The following SLC7A7 variants were observed in gnomAD, a reference collection of about 807,000 sequenced individuals.
The protein encoded by SLC7A7 is Y+L amino acid transporter 1.
Under a neutral mutation model 47.9 loss-of-function variants are expected in SLC7A7, and 39 were observed. The ratio of observed to expected loss-of-function variants is 0.81; its 90% CI spans 0.63 to 1.06. The LOEUF is 1.06. Among genes scored for constraint, SLC7A7 ranks in the 50% least tolerant of loss-of-function variants. The pLI, the probability that SLC7A7 is intolerant of heterozygous loss-of-function variation, is 0.00. For missense variants in SLC7A7, 588 were observed against 632.0 expected (o/e 0.93, Z 0.75); for synonymous variants, 234 against 242.8 (o/e 0.96, Z 0.34).
intron 2 of SLC7A7, among the ~76,000 whole-genome samples, chr14:22,796,950 A>T (rs1208539206): frequency 6.6e-6 from 1 of 152,224 alleles, no homozygotes; most frequent in East Asian, 1.9e-4. Flanking sequence ...TGCGGAAGGT[A>T]AAGCTTTTAG....
At position 22,808,025 on chromosome 14, in the gene SLC7A7, G is replaced by A. The variant is rs186138639; in HGVS notation, c.499+4875C>T. Among the ~76,000 whole-genome samples the A allele has an allele frequency of 1.4e-4, 21 of 152,176 alleles. No homozygotes were observed. In the East Asian group the frequency reaches 4.1e-3, roughly 29 times the overall value. Reference sequence around the variant, plus strand: ...AAAAACACAAAAATTAGCCGGGTGTGGTGGTGCACAGCTGTAATCCCAGCT... The same window carrying A: ...AAAAACACAAAAATTAGCCGGGTGTAGTGGTGCACAGCTGTAATCCCAGCT... On this transcript the variant is annotated intron_variant, in intron 2 of 9. Coordinates refer to ENST00000674313, the MANE Select transcript of SLC7A7 (RefSeq NM_003982.4).
At chr14:22,804,930 T>C (rs2039175412) in intron 2 of SLC7A7, among the ~76,000 whole-genome samples, 1 of 152,066 alleles carries the variant, frequency 6.6e-6, no homozygotes, top group Non-Finnish European at 1.5e-5. Context: ...TTCCTTGAAC[T>C]TGGGAGGCGG....
At position 22,774,500 on chromosome 14, in the gene SLC7A7, T is replaced by TA. The variant is rs1254380334; in HGVS notation, c.1098dup (p.Ile367TyrfsTer17). On this transcript the variant is annotated frameshift_variant, in exon 8 of 10. Coordinates refer to ENST00000674313, the MANE Select transcript of SLC7A7 (RefSeq NM_003982.4). LOFTEE classifies it high-confidence loss of function. ...ACGCACAAGTAGATCAATGCCATGATACCCTGTAAGCGTGAGCCTAAGTCA... is the reference window on the plus strand; with the variant it reads ...ACGCACAAGTAGATCAATGCCATGATAACCCTGTAAGCGTGAGCCTAAGTCA... The TA allele has an allele frequency of 6.2e-7, 1 of 1,614,174 alleles. No homozygotes were observed. The highest frequency in any genetic ancestry group is 8.5e-7 in the Non-Finnish European group (1 of 1,180,028).
chr14:22,795,414 C>CT lies in SLC7A7; in HGVS notation c.500-15364dup, dbSNP rs1408690139. Among the ~76,000 whole-genome samples, 5 of 118,028 alleles carry CT rather than the reference C, an allele frequency of 4.2e-5. No individual in the cohort carries two copies. The South Asian group carries it at 1.1e-3, about 27-fold the overall frequency. The allele number at this position is 118,028 out of a possible 152,430, so 77.4% of individuals were successfully genotyped here. On this transcript the variant is annotated intron_variant, in intron 2 of 9. Coordinates refer to ENST00000674313, the MANE Select transcript of SLC7A7 (RefSeq NM_003982.4). Reference sequence around the variant, plus strand: ...TCTTTCTTTCTTTCTTTCTTTCTTTCTTTCTTTCTTTCTTTCTTTCTTTCT... The same window carrying CT: ...TCTTTCTTTCTTTCTTTCTTTCTTTCTTTTCTTTCTTTCTTTCTTTCTTTCT...
intron 2 of SLC7A7, among the ~76,000 whole-genome samples, chr14:22,782,291 T>C (rs957217772): frequency 6.6e-6 from 1 of 151,192 alleles, no homozygotes; most frequent in African/African-American, 2.4e-5. Context: ...TTAGTAGAGA[T>C]GAGGTTTCAC....
intron 2 of SLC7A7, among the ~76,000 whole-genome samples, chr14:22,803,013 G>A (rs1425831231): frequency 6.6e-6 from 1 of 152,060 alleles, no homozygotes; most frequent in Non-Finnish European, 1.5e-5. Flanking sequence ...CAGATACCAG[G>A]CACTGTTCTA....
intron 6 of SLC7A7, 131 bp from the exon 7 acceptor site, chr14:22,775,671 A>G: frequency 1.1e-6 from 1 of 942,590 alleles, no homozygotes; most frequent in Admixed American, 1.7e-5. Flanking sequence ...ACTGGAGCTC[A>G]GTATTAAGAT....
intron 7 of SLC7A7, 105 bp downstream of exon 7, chr14:22,775,339 T>C: frequency 1.0e-5 from 10 of 952,510 alleles, no homozygotes; most frequent in Non-Finnish European, 1.5e-5. Context: ...ATAGTTTTTC[T>C]ATTGGAATCT....
In SLC7A7 at chr14:22,778,793, C is replaced by T. The variant is rs1326165461; in HGVS notation, c.770G>A (p.Arg257Lys). 1.9e-6 allele frequency: 3 copies of T among 1,613,898 alleles called. No individual in the cohort carries two copies. Among genetic ancestry groups the T allele is most frequent in the East Asian group, 2.2e-5 (1 of 44,896 alleles). Residue 257 changes from arginine to lysine, a missense_variant and splice_region_variant, in exon 4 of 10, where the codon AGG becomes AAG. Arg to Lys is a conservative substitution (Grantham distance 26). Coordinates refer to ENST00000674313, the MANE Select transcript of SLC7A7 (RefSeq NM_003982.4). The part of the protein sequence containing the change: ...YVTEEIKNPE[R>K]NLPLSIGISM... Reference sequence around the variant, plus strand: ...GGAAAGTTGGTGGTGCAGTACCTACCTCTCAGGATTCTTGATCTCTTCAGT... The same window carrying T: ...GGAAAGTTGGTGGTGCAGTACCTACTTCTCAGGATTCTTGATCTCTTCAGT...
chr14:22,793,761 A>ATCACCACT (rs2038966111), intron 2 of SLC7A7, among the ~76,000 whole-genome samples: 1 of 152,060 alleles, frequency 6.6e-6, no homozygotes, highest in South Asian at 2.1e-4. Context: ...GGTGGCAGTG[A>ATCACCACT]GCCAATATCA....
intron 1 of SLC7A7, 94 bp from the exon 2 acceptor site, chr14:22,813,534 C>G (rs1335297823): frequency 9.3e-7 from 1 of 1,075,998 alleles, no homozygotes. Context: ...GGGCAGCTCA[C>G]CAACCAATGC....
chr14:22,810,485 T>C (rs1382500169), intron 2 of SLC7A7, among the ~76,000 whole-genome samples: 1 of 92,182 alleles, frequency 1.1e-5, no homozygotes. Flanking sequence ...AAAAATAGAT[T>C]TCTGGTATTT....
chr14:22,783,418 T>A (rs10133977), intron 2 of SLC7A7, among the ~76,000 whole-genome samples: 88,421 of 148,938 alleles, frequency 0.59, 27,528 homozygotes, highest in Non-Finnish European at 0.7. Flanking sequence ...TTTTTTTTTT[T>A]TCGAGACAGT....
intron 2 of SLC7A7, among the ~76,000 whole-genome samples, chr14:22,802,259 A>T (rs969981105): frequency 1.3e-5 from 2 of 152,070 alleles, no homozygotes; most frequent in African/African-American, 4.8e-5. Context: ...AAAAATTAGC[A>T]GGGCGGGGTG....
intron 4 of SLC7A7, 113 bp from the exon 5 acceptor site, chr14:22,776,431 C>T: frequency 1.5e-6 from 2 of 1,374,228 alleles, no homozygotes; most frequent in South Asian, 1.2e-5. Flanking sequence ...GAGACTGTTG[C>T]TACATTTCCT....
At position 22,776,178 on chromosome 14, in the gene SLC7A7, T is replaced by A. The variant is rs1364794859; in HGVS notation, c.894+17A>T. 1 of 1,614,044 alleles carries A rather than the reference T, an allele frequency of 6.2e-7. No homozygotes were observed. Among genetic ancestry groups the A allele is most frequent in the Non-Finnish European group, 8.5e-7 (1 of 1,180,026 alleles). ...CCACAAGACACCCTCAACCTTCTGCTAGTGAAAATCCTTTACCACAGCAAC... is the reference window on the plus strand; with the variant it reads ...CCACAAGACACCCTCAACCTTCTGCAAGTGAAAATCCTTTACCACAGCAAC... On this transcript the variant is annotated intron_variant, in intron 5 of 9. Transcript: ENST00000674313.
At chr14:22,802,763 A>G (rs1205961808) in intron 2 of SLC7A7, among the ~76,000 whole-genome samples, 1 of 151,352 alleles carries the variant, frequency 6.6e-6, no homozygotes, top group Non-Finnish European at 1.5e-5. Flanking sequence ...CAGCTATATC[A>G]CTCCCCTGTT....
Position 22,776,314 on chromosome 14 carries a change from G to T in SLC7A7, c.775C>A (p.Leu259Met). 6.2e-7 allele frequency: 1 copy of T among 1,614,214 alleles called. No individual in the cohort carries two copies. Among genetic ancestry groups the T allele is most frequent in the Non-Finnish European group, 8.5e-7 (1 of 1,180,040 alleles). ...TEEIKNPERN[L>M]PLSIGISMPI... ...ATGGAGATGCCAATGGAGAGGGGCA[G>T]GTTCCTACAGCCAAATAGAATAAAA... is the stretch of plus-strand genomic sequence containing the variant. The change falls in exon 5 of 10, where the codon CTG (leucine) becomes ATG (methionine). Residue 259 changes from leucine to methionine, a missense_variant. Transcript: ENST00000674313.
Position 22,812,789 on chromosome 14 carries a change from A to ATATATATATATG in SLC7A7, c.499+110_499+111insCATATATATATA, listed in dbSNP as rs1450700556. 3 of 707,676 alleles carry ATATATATATATG rather than the reference A, an allele frequency of 4.2e-6. No homozygotes were observed. The African/African-American group carries it at 5.6e-5, about 13-fold the overall frequency. The allele number at this position is 707,676 out of a possible 1,614,324, so 43.8% of individuals were successfully genotyped here. ...ATACTTTAACTATATATATATATAT[A>ATATATATATATG]TATGTTGTCAGAGACATTCCTCTCT... On this transcript the variant is annotated intron_variant, in intron 2 of 9. Coordinates refer to ENST00000674313, the MANE Select transcript of SLC7A7 (RefSeq NM_003982.4).
Sources: allele counts gnomAD v4.1 joint callset (sites outside exome capture counted in the v4.1 genomes callset), GRCh38; gene constraint gnomAD v4.1.1; transcripts MANE v1.5; gene names NCBI Gene and HGNC (gene_info 2026-07-23, HGNC 2026-07-21).